The following RTF2 variants were observed in gnomAD, a reference collection of about 807,000 sequenced individuals.
RTF2 encodes the protein UPF0549 protein C20orf43.
In RTF2, 18 loss-of-function variants were observed where a neutral mutation model predicts 38.0. The ratio of observed to expected loss-of-function variants is 0.47; its 90% CI spans 0.33 to 0.70. The LOEUF is 0.70. Ranked by LOEUF, RTF2 falls within the 30% of genes least tolerant of loss-of-function variation. The pLI, the probability that RTF2 is intolerant of heterozygous loss-of-function variation, is 0.02. For missense variants in RTF2, 311 were observed against 379.6 expected, an observed-to-expected ratio of 0.82 and a Z score of 1.50; for synonymous variants, 126 against 137.1, an observed-to-expected ratio of 0.92 and a Z score of 0.57.
At position 56,517,148 on chromosome 20, in the gene RTF2, A is replaced by T. The variant is rs372910315; in HGVS notation, c.689A>T (p.Glu230Val). The T allele has an allele frequency of 6.2e-7, 1 of 1,614,072 alleles. No individual in the cohort carries two copies. ...PSKVKTGKPE[E>V]ASLDSREKKT... ...AAAGTTAAGACAGGGAAGCCTGAAG[A>T]AGCCAGCCTTGATTCTAGAGAGAAG... The change falls in exon 8 of 9, where the codon GAA becomes GTA. Residue 230 changes from glutamate to valine, a missense_variant. Coordinates refer to ENST00000357348, the MANE Select transcript of RTF2 (RefSeq NM_016407.5).
chr20:56,518,273 A>T lies in RTF2; in HGVS notation c.*8A>T. 1 of 1,607,868 alleles carries T rather than the reference A, an allele frequency of 6.2e-7. No individual in the cohort carries two copies. The highest frequency in any genetic ancestry group is 8.5e-7 in the Non-Finnish European group (1 of 1,177,742). ...ACGTCCTACTGCTTCTGAAGCCCGC[A>T]CTGCCACCGCTCCTGCCCCAGAAGG... is the stretch of plus-strand genomic sequence containing the variant. On this transcript the variant is annotated 3_prime_UTR_variant, in exon 9 of 9. Transcript: ENST00000357348.
chr20:56,506,538 C>CA (rs1984283070), intron 5 of RTF2, among the ~76,000 whole-genome samples: 1 of 152,116 alleles, frequency 6.6e-6, no homozygotes, highest in Non-Finnish European at 1.5e-5. Context: ...CCCCTCTTGG[C>CA]ACTTCCCCTA....
Position 56,482,268 on chromosome 20 carries a change from G to T in RTF2, c.399-1843G>T, listed in dbSNP as rs556107572. Among the ~76,000 whole-genome samples the T allele has an allele frequency of 9.8e-5, 15 of 152,320 alleles. No individual in the cohort carries two copies. The East Asian group carries it at 2.7e-3, about 27-fold the overall frequency. On this transcript the variant is annotated intron_variant, in intron 4 of 8. Transcript: ENST00000357348. ...CAGGTCTCTGATATAAAATGGTACA[G>T]TATTTGCATATAACCTACACACATC...
intron 5 of RTF2, among the ~76,000 whole-genome samples, chr20:56,509,729 T>C (rs1762932611): frequency 6.6e-6 from 1 of 152,178 alleles, no homozygotes; most frequent in Admixed American, 6.6e-5. Flanking sequence ...AAGTTCATCA[T>C]TTGAGGAGAG....
chr20:56,502,518 A>G (rs1195403317), intron 5 of RTF2, among the ~76,000 whole-genome samples: 1 of 152,202 alleles, frequency 6.6e-6, no homozygotes. Flanking sequence ...ATGGGATTTC[A>G]TTTGTGGTAA....
chr20:56,486,553 G>A (rs1335476169), intron 5 of RTF2, among the ~76,000 whole-genome samples: 2 of 152,134 alleles, frequency 1.3e-5, no homozygotes, highest in Non-Finnish European at 2.9e-5. Context: ...GGAGGCTGAG[G>A]CAGGAGAATT....
rs1984810182 is a variant in RTF2, at chr20:56,513,309, C to T, written c.478-6C>T. Reference sequence around the variant, plus strand: ...GAATCTGCCCTCTCTTGTTTGCCCTCTCCAGTGTGGGGCTGCCTTCCAGGA... The same window carrying T: ...GAATCTGCCCTCTCTTGTTTGCCCTTTCCAGTGTGGGGCTGCCTTCCAGGA... On this transcript the variant is annotated splice_region_variant and splice_polypyrimidine_tract_variant and intron_variant, in intron 5 of 8. Coordinates refer to ENST00000357348, the MANE Select transcript of RTF2 (RefSeq NM_016407.5). 1 of 1,589,254 alleles carries T rather than the reference C, an allele frequency of 6.3e-7. No individual in the cohort carries two copies. The highest frequency in any genetic ancestry group is 8.6e-7 in the Non-Finnish European group (1 of 1,168,366).
chr20:56,514,146 C>T (rs140278676), intron 6 of RTF2: 3 of 152,144 alleles, frequency 2.0e-5, no homozygotes, highest in Non-Finnish European at 2.9e-5. Context: ...CTTCATGCTT[C>T]ATCGTTCAGA....
intron 5 of RTF2, among the ~76,000 whole-genome samples, chr20:56,509,728 A>AT (rs1984519723): frequency 6.6e-6 from 1 of 152,194 alleles, no homozygotes; most frequent in Admixed American, 6.5e-5. Context: ...GAAGTTCATC[A>AT]TTTGAGGAGA....
In RTF2 at chr20:56,496,579, A is replaced by T. The variant is rs147445347; in HGVS notation, c.477+12390A>T. The T allele has an allele frequency of 4.2e-6, 6 of 1,437,820 alleles. No individual in the cohort carries two copies. The African/African-American group carries it at 8.7e-5, about 21-fold the overall frequency. 89.1% of individuals were successfully genotyped at this position (1,437,820 alleles called of 1,614,324 possible). A position where few individuals can be genotyped will look rare whatever the true frequency, so the allele number is the denominator to read the frequency against. On this transcript the variant is annotated intron_variant, in intron 5 of 8. Coordinates refer to ENST00000357348, the MANE Select transcript of RTF2 (RefSeq NM_016407.5). ...AGTCAGTCAATCAATCAATCAATCA[A>T]TCTATCTGCTGCTGTTGCTGCTGAC...
intron 4 of RTF2, among the ~76,000 whole-genome samples, chr20:56,481,344 T>C (rs1982516631): frequency 6.6e-6 from 1 of 152,206 alleles, no homozygotes; most frequent in South Asian, 2.1e-4. Context: ...GTGTTGCGTG[T>C]GGCAGACTGT....
At chr20:56,476,915 C>T (rs1982274616) in intron 3 of RTF2, 70 bp from the exon 4 acceptor site, 1 of 1,499,462 alleles carries the variant, frequency 6.7e-7, no homozygotes, top group Non-Finnish European at 9.2e-7. Flanking sequence ...AATTTGTTGA[C>T]TTACGTGGTT....
chr20:56,468,995 A>G (rs1023461024), intron 1 of RTF2, among the ~76,000 whole-genome samples: 1 of 152,200 alleles, frequency 6.6e-6, no homozygotes, highest in African/African-American at 2.4e-5. Flanking sequence ...ATCTCATGTA[A>G]TTATCACAAT....
rs753060363 is a variant in RTF2 at position 56,468,706 on chromosome 20, C to T, written c.9C>T (p.Cys3=). The T allele has an allele frequency of 5.7e-6, 9 of 1,582,916 alleles. No homozygotes were observed. The highest frequency in any genetic ancestry group is 7.7e-6 in the Non-Finnish European group (9 of 1,164,682). Residue 3 remains cysteine (C), a synonymous_variant, in exon 1 of 9, where the codon TGC becomes TGT. Coordinates refer to ENST00000357348, the MANE Select transcript of RTF2 (RefSeq NM_016407.5). MG[C]DGGTIPKRHE... ...CTGACTCCCGTCCTGCGATGGGTTGCGACGGGGGAACAATCCCCAAGAGGC... is the reference window on the plus strand; with the variant it reads ...CTGACTCCCGTCCTGCGATGGGTTGTGACGGGGGAACAATCCCCAAGAGGC...
intron 5 of RTF2, among the ~76,000 whole-genome samples, chr20:56,492,632 G>A (rs1346957537): frequency 6.6e-6 from 1 of 151,768 alleles, no homozygotes; most frequent in African/African-American, 2.4e-5. Flanking sequence ...GAGACTCAGT[G>A]ACACTTTTTA....
intron 5 of RTF2, among the ~76,000 whole-genome samples, chr20:56,511,018 C>G (rs550005577): frequency 6.6e-6 from 1 of 152,088 alleles, no homozygotes; most frequent in Non-Finnish European, 1.5e-5. Context: ...GTTATATATG[C>G]TATGAATATT....
At chr20:56,492,440 C>T (rs1440277310) in intron 5 of RTF2, among the ~76,000 whole-genome samples, 1 of 149,672 alleles carries the variant, frequency 6.7e-6, no homozygotes, top group Non-Finnish European at 1.5e-5. Context: ...GAATTACAGG[C>T]CAGGCACGGT....
chr20:56,516,028 G>C (rs1216679993), intron 6 of RTF2: 2 of 152,220 alleles, frequency 1.3e-5, no homozygotes, highest in Non-Finnish European at 2.9e-5. Flanking sequence ...TTGTTTGAAG[G>C]ACCGAGTATC....
intron 5 of RTF2, chr20:56,496,846 C>T (rs1983576940): frequency 1.3e-6 from 2 of 1,551,714 alleles, no homozygotes; most frequent in Non-Finnish European, 1.7e-6. Flanking sequence ...TAGATACTTC[C>T]TTTAGGAACG....
Sources: gnomAD v4.1 joint callset for allele counts (sites outside exome capture counted in the v4.1 genomes callset) on GRCh38, gnomAD v4.1.1 for gene constraint, MANE v1.5 for transcripts, NCBI Gene and HGNC (gene_info 2026-07-23, HGNC 2026-07-21) for gene names.